TMEM132D: variants seen among roughly 807,000 people sequenced by gnomAD.
TMEM132D encodes the protein mature OL transmembrane protein.
In TMEM132D, 21 loss-of-function variants were observed where a neutral mutation model predicts 62.3. The ratio of observed to expected loss-of-function variants is 0.34; its 90% CI spans 0.24 to 0.49. The LOEUF is 0.49. TMEM132D is among the 20% of genes least tolerant of loss of function. The probability of loss-of-function intolerance (pLI) is 0.99; values close to 1 mark genes in which losing one functional copy is unlikely to be tolerated. For missense variants in TMEM132D, 1,346 were observed against 1,402.8 expected (o/e 0.96, Z 0.65); for synonymous variants, 621 against 575.6 (o/e 1.08, Z -1.13).
chr12:129,752,187 A>T (rs1870018845), intron 1 of TMEM132D, among the ~76,000 whole-genome samples: 1 of 152,186 alleles, frequency 6.6e-6, no homozygotes, highest in Non-Finnish European at 1.5e-5. Context: ...AAAGGTGTGA[A>T]AATGTTGCTA....
rs1193227544 is a variant in TMEM132D at position 129,801,703 on chromosome 12, G to A, written c.80-101005C>T. 5.1e-3 allele frequency among the ~76,000 whole-genome samples: 772 copies of A among 151,798 alleles called. 5 individuals are homozygous for A. The highest frequency in any genetic ancestry group is 0.017 in the African/African-American group (722 of 41,334). ...GCTGGTTGGAGAATGACTTTGACGA[G>A]CTGAGAGAAGAAGGCTTCAGACGAT... is the stretch of plus-strand genomic sequence containing the variant. On this transcript the variant is annotated intron_variant, in intron 1 of 8. Coordinates refer to ENST00000422113, the MANE Select transcript of TMEM132D (RefSeq NM_133448.3).
chr12:129,624,549 A>C (rs1879161704), intron 2 of TMEM132D, among the ~76,000 whole-genome samples: 1 of 152,232 alleles, frequency 6.6e-6, no homozygotes, highest in Non-Finnish European at 1.5e-5. Flanking sequence ...ACCACTGCAG[A>C]CAGCACAGTG....
chr12:129,621,606 G>A (rs1879070697), intron 2 of TMEM132D, among the ~76,000 whole-genome samples: 1 of 152,194 alleles, frequency 6.6e-6, no homozygotes, highest in African/African-American at 2.4e-5. Context: ...GTGAGTGAAT[G>A]CTTAGGAAGT....
rs66630267 is a variant in TMEM132D, at chr12:129,458,398, GT to G, written c.1115+72660del. On this transcript the variant is annotated intron_variant, in intron 3 of 8. Coordinates refer to ENST00000422113, the MANE Select transcript of TMEM132D (RefSeq NM_133448.3). ...TTTGCCTATATCAGAGTGGGCAGAG[GT>G]TTTTTTTTTTTTGTCTTTTAGATAG... is the stretch of plus-strand genomic sequence containing the variant. Among the ~76,000 whole-genome samples, 53 of 146,594 alleles carry G rather than the reference GT, an allele frequency of 3.6e-4. 2 individuals are homozygous for G. The highest frequency in any genetic ancestry group is 1.4e-3 in the East Asian group (7 of 4,994).
At chr12:129,246,307 G>C (rs1434958449) in intron 4 of TMEM132D, among the ~76,000 whole-genome samples, 2 of 152,206 alleles carry the variant, frequency 1.3e-5, no homozygotes, top group East Asian at 3.8e-4. Flanking sequence ...TCCACGAGAA[G>C]AGAAAGGCGG....
chr12:129,542,322 C>A (rs1299578603), intron 2 of TMEM132D, among the ~76,000 whole-genome samples: 1 of 152,172 alleles, frequency 6.6e-6, no homozygotes, highest in African/African-American at 2.4e-5. Context: ...TTGCTATTTT[C>A]TCAGCCTTCA....
intron 3 of TMEM132D, among the ~76,000 whole-genome samples, chr12:129,369,495 G>A (rs1422793214): frequency 6.6e-6 from 1 of 152,166 alleles, no homozygotes; most frequent in Non-Finnish European, 1.5e-5. Context: ...CATCTTTGCT[G>A]GAATGTTTGG....
At chr12:129,578,424 G>GTGTGTGTGTGTA (rs773756392) in intron 2 of TMEM132D, among the ~76,000 whole-genome samples, 51 of 150,590 alleles carry the variant, frequency 3.4e-4, no homozygotes, top group East Asian at 3.3e-3. Flanking sequence ...GTGTGTGTGT[G>GTGTGTGTGTGTA]TATATATATA....
intron 1 of TMEM132D, among the ~76,000 whole-genome samples, chr12:129,879,563 C>T (rs1161222422): frequency 6.6e-6 from 1 of 152,142 alleles, no homozygotes; most frequent in Non-Finnish European, 1.5e-5. Flanking sequence ...GAGGAAGAGA[C>T]TCCAGGTGCC....
chr12:129,548,853 C>T (rs1876812576), intron 2 of TMEM132D, among the ~76,000 whole-genome samples: 1 of 152,238 alleles, frequency 6.6e-6, no homozygotes, highest in South Asian at 2.1e-4. Context: ...GACCTCCTTT[C>T]TCATTTTACA....
chr12:129,466,139 C>T (rs991400676), intron 3 of TMEM132D, among the ~76,000 whole-genome samples: 16 of 151,996 alleles, frequency 1.1e-4, no homozygotes, highest in African/African-American at 3.6e-4. Context: ...ATTGATAATG[C>T]TTTTGTTATT....
At chr12:129,611,733 T>A (rs892550076) in intron 2 of TMEM132D, among the ~76,000 whole-genome samples, 1 of 152,146 alleles carries the variant, frequency 6.6e-6, no homozygotes, top group Admixed American at 6.5e-5. Context: ...TAGAGATAAT[T>A]CATCATTGAT....
Position 129,081,819 on chromosome 12 carries a change from G to T in TMEM132D, c.1863C>A (p.Ile621=), listed in dbSNP as rs115451310. ...GGATCTGTCCGCCTTGCAGCTTGGC[G>T]ATCCTGGGCTCCTCCACCTGCATGA... is the stretch of plus-strand genomic sequence containing the variant. ...NDFMQVEEPR[I]AKLQGGQILM... Residue 621 remains isoleucine, a synonymous_variant, in exon 7 of 9, where the codon ATC becomes ATA. Transcript: ENST00000422113. 11 of 1,612,950 alleles carry T rather than the reference G, an allele frequency of 6.8e-6. No homozygotes were observed. The African/African-American group carries it at 1.3e-4, about 20-fold the overall frequency.
At chr12:129,405,709 C>T (rs756827848) in intron 3 of TMEM132D, among the ~76,000 whole-genome samples, 62 of 152,230 alleles carry the variant, frequency 4.1e-4, no homozygotes, top group Admixed American at 1.2e-3. Flanking sequence ...CCTTCAAAGA[C>T]CTCCAGATTT....
intron 1 of TMEM132D, among the ~76,000 whole-genome samples, chr12:129,825,777 G>GTTT (rs1872647206): frequency 6.6e-6 from 1 of 152,084 alleles, no homozygotes; most frequent in Non-Finnish European, 1.5e-5. Context: ...TAAAGCGAGG[G>GTTT]GTATAACCAG....
intron 2 of TMEM132D, among the ~76,000 whole-genome samples, chr12:129,617,702 G>C: frequency 6.6e-6 from 1 of 152,064 alleles, no homozygotes. Context: ...CCTGCTTCCT[G>C]GTTCATCAAT....
chr12:129,085,031 G>T (rs1365182514), intron 5 of TMEM132D: 1 of 458,444 alleles, frequency 2.2e-6, no homozygotes, highest in African/African-American at 2.0e-5. Flanking sequence ...GGTGAGTGGA[G>T]CTGTGTCCCT....
intron 3 of TMEM132D, among the ~76,000 whole-genome samples, chr12:129,404,487 A>G (rs561515727): frequency 1.3e-5 from 2 of 152,228 alleles, no homozygotes; most frequent in Admixed American, 1.3e-4. Context: ...GTGAGCCACC[A>G]TGCCCGGCCA....
At chr12:129,441,194 C>A (rs1872926658) in intron 3 of TMEM132D, among the ~76,000 whole-genome samples, 1 of 152,164 alleles carries the variant, frequency 6.6e-6, no homozygotes, top group African/African-American at 2.4e-5. Context: ...TTCCAAACAA[C>A]CTCTCACCTG....
Sources: gnomAD v4.1 joint callset for allele counts (sites outside exome capture counted in the v4.1 genomes callset) on GRCh38, gnomAD v4.1.1 for gene constraint, MANE v1.5 for transcripts, NCBI Gene and HGNC (gene_info 2026-07-23, HGNC 2026-07-21) for gene names.